Variants in SPOCK1 observed in about 807,000 individuals in gnomAD.
The protein encoded by SPOCK1 is testican-1.
In SPOCK1, 23 loss-of-function variants were observed where a neutral mutation model predicts 55.3. That is an observed-to-expected ratio of 0.42 (90% CI 0.30 to 0.59). The LOEUF is 0.59. Ranked by LOEUF, SPOCK1 falls within the 20% of genes least tolerant of loss-of-function variation. The pLI is 0.22. For missense variants in SPOCK1, 499 were observed against 552.5 expected (o/e 0.90, Z 0.97); for synonymous variants, 226 against 221.0 (o/e 1.02, Z -0.20).
intron 3 of SPOCK1, among the ~76,000 whole-genome samples, chr5:137,213,085 A>T (rs1312013199): frequency 6.6e-6 from 1 of 152,188 alleles, no homozygotes; most frequent in Non-Finnish European, 1.5e-5. Context: ...GCTGGAGACC[A>T]TAAAAGGTGA....
At chr5:137,336,067 G>T (rs1216865317) in intron 2 of SPOCK1, among the ~76,000 whole-genome samples, 1 of 152,112 alleles carries the variant, frequency 6.6e-6, no homozygotes, top group East Asian at 1.9e-4. Flanking sequence ...AGTACTTACA[G>T]AATTTTCTAA....
chr5:137,334,355 G>A (rs1433621461), intron 2 of SPOCK1, among the ~76,000 whole-genome samples: 1 of 152,170 alleles, frequency 6.6e-6, no homozygotes, highest in African/African-American at 2.4e-5. Context: ...CTGTCTGAAG[G>A]CAGACAGGCT....
chr5:136,977,499 G>T lies in SPOCK1; in HGVS notation c.*1155C>A. On this transcript the variant is annotated 3_prime_UTR_variant, in exon 11 of 11. Coordinates refer to ENST00000394945, the MANE Select transcript of SPOCK1 (RefSeq NM_004598.4). ...AGAAAGGGAGTAAAAGCAAAACATT[G>T]AGTTCAGAATTAGAAATTTTCTTCT... The T allele has an allele frequency of 3.7e-6, 1 of 273,114 alleles. No individual in the cohort carries two copies. 16.9% of individuals were successfully genotyped at this position (273,114 alleles called of 1,614,324 possible).
chr5:137,221,304 A>G (rs1249252608), intron 3 of SPOCK1, among the ~76,000 whole-genome samples: 1 of 152,234 alleles, frequency 6.6e-6, no homozygotes, highest in East Asian at 1.9e-4. Flanking sequence ...ATAAAAGTCC[A>G]GGCCCATTTC....
chr5:136,985,153 C>A lies in SPOCK1; in HGVS notation c.978G>T (p.Gly326=). ...AATTGTACTTACCCAACAGGCTTTT[C>A]CCCTTACTCAGCTTCTGAATTCTGT... ...EMNRIQKLSK[G]KSLLGAFIPR... Residue 326 remains glycine (G), a synonymous_variant, in exon 9 of 11, where the codon GGG becomes GGT. Transcript: ENST00000394945. The A allele has an allele frequency of 6.2e-7, 1 of 1,614,128 alleles. No individual in the cohort carries two copies. The highest frequency in any genetic ancestry group is 8.5e-7 in the Non-Finnish European group (1 of 1,179,978).
chr5:136,999,219 C>T lies in SPOCK1; in HGVS notation c.590-6619G>A, dbSNP rs139376343. On this transcript the variant is annotated intron_variant, in intron 6 of 10. Transcript: ENST00000394945. ...GACAGAGAAGCTGCTCCAGGGTTAC[C>T]GCAGCCTTGGTGGGGTTGTAAGGGG... Among the ~76,000 whole-genome samples, 57 of 152,248 alleles carry T rather than the reference C, an allele frequency of 3.7e-4. 1 individual carries two copies. The highest frequency in any genetic ancestry group is 6.6e-4 in the Non-Finnish European group (45 of 68,012).
chr5:137,381,376 C>A (rs189065776), intron 2 of SPOCK1, among the ~76,000 whole-genome samples: 2 of 152,166 alleles, frequency 1.3e-5, no homozygotes, highest in Admixed American at 1.3e-4. Context: ...CACTAGGCAG[C>A]GCCCCAGTGG....
intron 6 of SPOCK1, among the ~76,000 whole-genome samples, chr5:137,057,607 T>C (rs1752324716): frequency 6.6e-6 from 1 of 152,222 alleles, no homozygotes; most frequent in African/African-American, 2.4e-5. Flanking sequence ...TGAGCTCATT[T>C]GATTCTTACT....
Position 136,978,708 on chromosome 5 carries a change from C to T in SPOCK1, c.1266G>A (p.Glu422=). 6.2e-7 allele frequency: 1 copy of T among 1,613,956 alleles called. No individual in the cohort carries two copies. Among genetic ancestry groups the T allele is most frequent in the Non-Finnish European group, 8.5e-7 (1 of 1,179,908 alleles). ...TGTCATCATCCTCATCCTCATCATC[C>T]TCTGTCACGGCTCGGGTGTGCACCC... ...KLRVHTRAVT[E]DDEDEDDDKE... is the part of the protein sequence containing the mutation. The change falls in exon 11 of 11, where the codon GAG becomes GAA. Residue 422 remains glutamate, a synonymous_variant. Coordinates refer to ENST00000394945, the MANE Select transcript of SPOCK1 (RefSeq NM_004598.4).
At chr5:137,338,943 C>A (rs1319103961) in intron 2 of SPOCK1, among the ~76,000 whole-genome samples, 5 of 152,156 alleles carry the variant, frequency 3.3e-5, no homozygotes, top group African/African-American at 1.2e-4. Context: ...ACTGTCAATG[C>A]CTGACATGTG....
intron 3 of SPOCK1, among the ~76,000 whole-genome samples, chr5:137,176,214 A>G (rs1291040160): frequency 6.6e-6 from 1 of 152,204 alleles, no homozygotes; most frequent in Non-Finnish European, 1.5e-5. Flanking sequence ...TCTTTAAGTA[A>G]GAAAGACCGT....
intron 2 of SPOCK1, among the ~76,000 whole-genome samples, chr5:137,455,153 A>C (rs1753337069): frequency 6.6e-6 from 1 of 152,214 alleles, no homozygotes; most frequent in African/African-American, 2.4e-5. Flanking sequence ...TGTACCTTAC[A>C]CAAGAGAATG....
intron 6 of SPOCK1, among the ~76,000 whole-genome samples, chr5:137,022,938 C>G (rs2126980969): frequency 6.6e-6 from 1 of 152,274 alleles, no homozygotes; most frequent in South Asian, 2.1e-4. Flanking sequence ...TTTCACTTTT[C>G]TCTGAGTTTG....
chr5:137,469,468 G>A (rs1023829608), intron 2 of SPOCK1, among the ~76,000 whole-genome samples: 1 of 151,912 alleles, frequency 6.6e-6, no homozygotes, highest in Non-Finnish European at 1.5e-5. Context: ...ACAGACCATG[G>A]TTCTTATGAA....
At chr5:137,169,399 A>G (rs1754705641) in intron 3 of SPOCK1, among the ~76,000 whole-genome samples, 1 of 152,202 alleles carries the variant, frequency 6.6e-6, no homozygotes, top group Admixed American at 6.5e-5. Context: ...TCCCCATGTG[A>G]TTATTACACA....
intron 2 of SPOCK1, among the ~76,000 whole-genome samples, chr5:137,369,134 G>A (rs1037226612): frequency 6.6e-6 from 1 of 152,226 alleles, no homozygotes; most frequent in Non-Finnish European, 1.5e-5. Flanking sequence ...AACAGCTTGA[G>A]ACCCTTCAGA....
At chr5:137,477,667 C>A in intron 2 of SPOCK1, among the ~76,000 whole-genome samples, 1 of 152,280 alleles carries the variant, frequency 6.6e-6, no homozygotes, top group East Asian at 1.9e-4. Context: ...TGGACTGTGA[C>A]GCTTCCCCAC....
chr5:137,297,123 TAA>T (rs1757504346), intron 2 of SPOCK1, among the ~76,000 whole-genome samples: 1 of 152,238 alleles, frequency 6.6e-6, no homozygotes, highest in South Asian at 2.1e-4. Context: ...AAGCTTCAAT[TAA>T]AGAGGGATGT....
chr5:137,462,852 T>C (rs1753518442), intron 2 of SPOCK1, among the ~76,000 whole-genome samples: 1 of 151,980 alleles, frequency 6.6e-6, no homozygotes, highest in Non-Finnish European at 1.5e-5. Flanking sequence ...AAGAGCCAAA[T>C]ACAAAACCAA....
Sources: allele counts gnomAD v4.1 joint callset (sites outside exome capture counted in the v4.1 genomes callset), GRCh38; gene constraint gnomAD v4.1.1; transcripts MANE v1.5; gene names NCBI Gene and HGNC (gene_info 2026-07-23, HGNC 2026-07-21).